USE1: variants seen among roughly 807,000 people sequenced by gnomAD.
USE1 encodes unconventional SNARE in the ER 1.
In USE1, 32 loss-of-function variants were observed where a neutral mutation model predicts 37.6. The observed-to-expected ratio is 0.85, with a 90% CI of 0.64 to 1.14. USE1 has a LOEUF of 1.14. USE1 is among the 50% of genes most tolerant of loss of function. USE1 has a pLI of 0.00. For synonymous variants in USE1, 149 were observed against 137.6 expected (o/e 1.08, Z -0.58); for missense variants, 310 against 332.2 (o/e 0.93, Z 0.52).
At chr19:17,217,055 G>C (rs1260067475) in intron 4 of USE1, among the ~76,000 whole-genome samples, 2 of 151,936 alleles carry the variant, frequency 1.3e-5, no homozygotes, top group African/African-American at 4.8e-5. Context: ...ATTTCCCCAT[G>C]TCCTGACTGA....
rs2073313230 is a variant in USE1 at position 17,219,669 on chromosome 19, G to A, written c.636G>A (p.Leu212=). 2.5e-6 allele frequency: 4 copies of A among 1,610,966 alleles called. No individual in the cohort carries two copies. The highest frequency in any genetic ancestry group is 3.4e-6 in the Non-Finnish European group (4 of 1,177,714). The change falls in exon 8 of 8, where the codon CTG becomes CTA. Residue 212 remains leucine, a synonymous_variant. Transcript: ENST00000263897. The stretch of plus-strand genomic sequence containing the variant: ...CACTGAAAATGGCGGACCAGAACCT[G>A]GAGAAACTGAAGACGGAGTCAGAGC... ...SHSLKMADQN[L]EKLKTESERL... is the part of the protein sequence containing the mutation.
chr19:17,217,032 C>CA (rs1186049672), intron 4 of USE1, among the ~76,000 whole-genome samples: 1 of 151,504 alleles, frequency 6.6e-6, no homozygotes, highest in African/African-American at 2.4e-5. Context: ...GAAACAGGCT[C>CA]AGAGGTCATG....
At chr19:17,217,957 C>G (rs1394939790) in intron 5 of USE1, 1 of 350,330 alleles carries the variant, frequency 2.9e-6, no homozygotes, top group Non-Finnish European at 5.5e-6. Context: ...GTGACGCACA[C>G]CTGTAGTCCC....
chr19:17,218,248 G>T, intron 5 of USE1, 116 bp from the exon 6 acceptor site: 1 of 1,432,238 alleles, frequency 7.0e-7, no homozygotes, highest in East Asian at 2.4e-5. Context: ...CAACGGGGCA[G>T]CAGACAAGAT....
intron 4 of USE1, among the ~76,000 whole-genome samples, 194 bp downstream of exon 4, chr19:17,216,515 T>C (rs1312467662): frequency 1.3e-5 from 2 of 152,150 alleles, no homozygotes; most frequent in African/African-American, 2.4e-5. Context: ...GAATAGGAAT[T>C]TGGTACAAGG....
chr19:17,216,143 T>C, intron 3 of USE1, 26 bp from the exon 4 acceptor site: 3 of 1,613,234 alleles, frequency 1.9e-6, no homozygotes, highest in Non-Finnish European at 2.5e-6. Flanking sequence ...GCCCCTCCAG[T>C]GACTTATCTT....
At chr19:17,218,225 C>G (rs2073302328) in intron 5 of USE1, 139 bp from the exon 6 acceptor site, 3 of 1,195,308 alleles carry the variant, frequency 2.5e-6, no homozygotes, top group Non-Finnish European at 3.6e-6. Context: ...GGTATTCAAG[C>G]ATGGTCAGAA....
chr19:17,215,498 C>A lies in USE1; in HGVS notation c.93C>A (p.Arg31=). 1 of 1,559,418 alleles carries A rather than the reference C, an allele frequency of 6.4e-7. No homozygotes were observed. Residue 31 remains arginine, a synonymous_variant, in exon 1 of 8, where the codon CGC becomes CGA. Transcript: ENST00000263897. ...AAEKRDPDEW[R]LEKYVGALED... ...AGAAACGGGACCCGGACGAGTGGCG[C>A]CTGGAGAAGGTGAGGGGATCTCGCA...
Position 17,216,310 on chromosome 19 carries a change from C to T in USE1, c.373C>T (p.Leu125=). 1.2e-6 allele frequency: 2 copies of T among 1,611,616 alleles called. No individual in the cohort carries two copies. Among genetic ancestry groups the T allele is most frequent in the Non-Finnish European group, 1.7e-6 (2 of 1,178,852 alleles). The change falls in exon 4 of 8, where the codon CTA becomes TTA. Residue 125 remains leucine (L), a synonymous_variant. Coordinates refer to ENST00000263897, the MANE Select transcript of USE1 (RefSeq NM_018467.4). The stretch of plus-strand genomic sequence containing the variant: ...GTACACCAGCGAGATGCGGAGTGAG[C>T]TACTAGGCACGGTAGGGCTCCTTCC... ...ARYTSEMRSE[L]LGTDSAEPEM...
At chr19:17,219,412 A>T in intron 7 of USE1, 25 bp downstream of exon 7, 1 of 1,544,326 alleles carries the variant, frequency 6.5e-7, no homozygotes, top group Non-Finnish European at 8.8e-7. Flanking sequence ...GGAGCTCTCC[A>T]GCCTCTGCCC....
At position 17,216,285 on chromosome 19, in the gene USE1, G is replaced by A. The variant is rs1454596295; in HGVS notation, c.348G>A (p.Arg116=). 1 of 1,612,892 alleles carries A rather than the reference G, an allele frequency of 6.2e-7. No individual in the cohort carries two copies. Among genetic ancestry groups the A allele is most frequent in the Non-Finnish European group, 8.5e-7 (1 of 1,179,706 alleles). The change falls in exon 4 of 8, where the codon CGG becomes CGA. Residue 116 remains arginine (R), a synonymous_variant. Coordinates refer to ENST00000263897, the MANE Select transcript of USE1 (RefSeq NM_018467.4). ...TKTVHLQSRA[R]YTSEMRSELL... is the part of the protein sequence containing the mutation. ...CGGTGCATCTGCAGTCACGGGCGCG[G>A]TACACCAGCGAGATGCGGAGTGAGC...
intron 1 of USE1, 21 bp from the exon 2 acceptor site, chr19:17,215,781 C>A (rs1049199774): frequency 1.3e-6 from 2 of 1,596,686 alleles, no homozygotes; most frequent in Non-Finnish European, 1.7e-6. Context: ...CCCCGGGTGA[C>A]AATCCACTTT....
intron 6 of USE1, 58 bp from the exon 7 acceptor site, chr19:17,219,154 GT>G: frequency 1.3e-6 from 2 of 1,539,486 alleles, no homozygotes; most frequent in Non-Finnish European, 1.7e-6. Context: ...AAATGTGTTG[GT>G]CTTCTCCCCT....
Position 17,219,385 on chromosome 19 carries a change from C to A in USE1, c.595C>A (p.Gln199Lys), listed in dbSNP as rs1254691347. The A allele has an allele frequency of 6.4e-7, 1 of 1,554,242 alleles. No homozygotes were observed. The highest frequency in any genetic ancestry group is 1.2e-5 in the South Asian group (1 of 84,616). Residue 199 changes from glutamine to lysine, a missense_variant and splice_region_variant, in exon 7 of 8, where the codon CAG becomes AAG. Transcript: ENST00000263897. Reference sequence around the variant, plus strand: ...CCAGAGTGTCATCAAGAAGGACAACCAGGTGTGGGGACTGGGGGAGCTCTC... The same window carrying A: ...CCAGAGTGTCATCAAGAAGGACAACAAGGTGTGGGGACTGGGGGAGCTCTC... Reference protein sequence around the residue: ...AAQSVIKKDNQTLSHSLKMAD... With the variant: ...AAQSVIKKDNKTLSHSLKMAD...
rs1186481777 is a variant in USE1, at chr19:17,219,212, G to A, written c.423-1G>A. ...CCTCCTCCCCCCGTGTGTGAAATCA[G>A]TGGAGTGGCAGGGTCCCAGCCAGTG... On this transcript the variant is annotated splice_acceptor_variant, in intron 6 of 7. Transcript: ENST00000263897. LOFTEE classifies it high-confidence loss of function. 1 of 1,610,902 alleles carries A rather than the reference G, an allele frequency of 6.2e-7. No homozygotes were observed. Among genetic ancestry groups the A allele is most frequent in the Non-Finnish European group, 8.5e-7 (1 of 1,177,452 alleles).
intron 7 of USE1, 97 bp from the exon 8 acceptor site, chr19:17,219,534 C>A: frequency 6.8e-7 from 1 of 1,464,164 alleles, no homozygotes; most frequent in Non-Finnish European, 9.1e-7. Context: ...GGGCACAGCA[C>A]CAGCAAGCGA....
rs771192397 is a variant in USE1, at chr19:17,215,798, C to T, written c.103-4C>T. ...CCGGGTGACAATCCACTTTTCCTCC[C>T]CAGTACGTGGGAGCCCTAGAGGACA... On this transcript the variant is annotated splice_region_variant and splice_polypyrimidine_tract_variant and intron_variant, in intron 1 of 7. Transcript: ENST00000263897. The T allele has an allele frequency of 4.3e-6, 7 of 1,609,860 alleles. No individual in the cohort carries two copies. The East Asian group carries it at 1.1e-4, about 26-fold the overall frequency.
At chr19:17,218,580 C>T (rs1367490316) in intron 6 of USE1, 189 bp downstream of exon 6, 1 of 618,370 alleles carries the variant, frequency 1.6e-6, no homozygotes, top group South Asian at 2.3e-5. Flanking sequence ...AATCCCAATA[C>T]TTTGGGAGGC....
intron 6 of USE1, 54 bp downstream of exon 6, chr19:17,218,445 CG>C (rs933598253): frequency 1.2e-6 from 2 of 1,611,034 alleles, no homozygotes; most frequent in African/African-American, 2.7e-5. Context: ...GCGGCAGGGA[CG>C]GGGTAGCAGT....
Sources: gnomAD v4.1 joint callset for allele counts (sites outside exome capture counted in the v4.1 genomes callset) on GRCh38, gnomAD v4.1.1 for gene constraint, MANE v1.5 for transcripts, NCBI Gene and HGNC (gene_info 2026-07-23, HGNC 2026-07-21) for gene names.